LRRC53: variants seen among roughly 807,000 people sequenced by gnomAD.
LRRC53 encodes leucine rich repeat containing 53.
LRRC53 carries 25 observed loss-of-function variants against 13.6 expected under a neutral mutation model. That is an observed-to-expected ratio of 1.83 (90% CI 1.34 to 2.56). The LOEUF is 2.56. Ranked by LOEUF, LRRC53 falls within the 30% of genes most tolerant of loss-of-function variation. The pLI is 0.00. For synonymous variants in LRRC53, 204 were observed against 109.8 expected (o/e 1.86, Z -5.37); for missense variants, 527 against 275.8 (o/e 1.91, Z -6.45).
chr1:74,518,375 T>G, the LRRC53 span, among the ~76,000 whole-genome samples: 1 of 152,178 alleles, frequency 6.6e-6, no homozygotes. Flanking sequence ...TTTTTATTTA[T>G]GAGATTTCCA....
upstream of LRRC53, among the ~76,000 whole-genome samples, chr1:74,514,822 G>A (rs1484172846): frequency 2.6e-5 from 4 of 152,174 alleles, no homozygotes; most frequent in East Asian, 7.7e-4. Flanking sequence ...TGAAGTCTCA[G>A]ACCCTGGTAC....
At chr1:74,527,695 G>GGAAT in the LRRC53 span, among the ~76,000 whole-genome samples, 2 of 152,162 alleles carry the variant, frequency 1.3e-5, no homozygotes, top group Non-Finnish European at 2.9e-5. Context: ...CTGAGGGATT[G>GGAAT]GAATCAGGGA....
At position 74,470,627 on chromosome 1, in the gene LRRC53, A is replaced by G; in HGVS notation, c.2995T>C (p.Ser999Pro). The change falls in exon 5 of 5, where the codon TCA (serine) becomes CCA (proline). Residue 999 changes from serine to proline, a missense_variant. Transcript: ENST00000294635. ...KEENDVEKKL[S>P]KTETYDSSLI... is the part of the protein sequence containing the mutation. The stretch of plus-strand genomic sequence containing the variant: ...GAGGAATCATAAGTTTCTGTTTTTG[A>G]AAGTTTTTTTTCTACATCATTTTCT... The G allele has an allele frequency of 2.5e-6, 1 of 400,652 alleles. No homozygotes were observed. Among genetic ancestry groups the G allele is most frequent in the Non-Finnish European group, 4.4e-6 (1 of 226,158 alleles). 24.8% of individuals were successfully genotyped at this position (400,652 alleles called of 1,614,324 possible). A position where few individuals can be genotyped will look rare whatever the true frequency, so the allele number is the denominator to read the frequency against.
At chr1:74,530,368 T>C in the LRRC53 span, among the ~76,000 whole-genome samples, 1 of 152,210 alleles carries the variant, frequency 6.6e-6, no homozygotes, top group Non-Finnish European at 1.5e-5. Flanking sequence ...TGGGTTATCT[T>C]GGGTAAGACA....
At chr1:74,518,755 AG>A in the LRRC53 span, among the ~76,000 whole-genome samples, 26 of 152,226 alleles carry the variant, frequency 1.7e-4, no homozygotes, top group African/African-American at 6.3e-4. Context: ...TATTTCCATA[AG>A]TAAAGGGTGT....
chr1:74,484,106 T>C (rs1021979358), intron 1 of LRRC53, among the ~76,000 whole-genome samples: 7 of 151,994 alleles, frequency 4.6e-5, no homozygotes, highest in African/African-American at 7.3e-5. Flanking sequence ...ATGTTAAACT[T>C]TACCTTTATT....
Position 74,475,820 on chromosome 1 carries a change from A to G in LRRC53, c.905-10T>C, listed in dbSNP as rs1397745672. On this transcript the variant is annotated splice_polypyrimidine_tract_variant and intron_variant, in intron 3 of 4. Transcript: ENST00000294635. ...GTGAGACCAACAGCTCCTATGACAA[A>G]TAGAGAGACCATTAAAAGATAACAT... 1 of 579,826 alleles carries G rather than the reference A, an allele frequency of 1.7e-6. No homozygotes were observed. The allele number at this position is 579,826 out of a possible 1,614,324, so 35.9% of individuals were successfully genotyped here. A position where few individuals can be genotyped will look rare whatever the true frequency, so the allele number is the denominator to read the frequency against.
chr1:74,490,084 A>C (rs1245919733), intron 1 of LRRC53, among the ~76,000 whole-genome samples: 2 of 150,874 alleles, frequency 1.3e-5, no homozygotes, highest in East Asian at 3.9e-4. Flanking sequence ...AAACTCAACT[A>C]AGAGTCATTG....
At chr1:74,481,352 A>G (rs147586129) in intron 2 of LRRC53, among the ~76,000 whole-genome samples, 159 of 152,314 alleles carry the variant, frequency 1.0e-3, no homozygotes, top group African/African-American at 3.6e-3. Context: ...GACAGAATCA[A>G]CTAAGAGCTG....
the LRRC53 span, among the ~76,000 whole-genome samples, chr1:74,534,091 G>A: frequency 6.6e-6 from 1 of 152,096 alleles, no homozygotes. Flanking sequence ...CAAGCTAATC[G>A]ATAGAAAAGT....
chr1:74,471,698 C>T lies in LRRC53; in HGVS notation c.1924G>A (p.Asp642Asn). Residue 642 changes from aspartate (D) to asparagine (N), a missense_variant, in exon 5 of 5, where the codon GAT (aspartate) becomes AAT (asparagine). By Grantham distance (23) the Asp-to-Asn change is conservative. Transcript: ENST00000294635. The stretch of plus-strand genomic sequence containing the variant: ...CTATTTATTTCTACTAAATCAGGAT[C>T]ATGGAAGATAACCCTCTTTGGGGAA... ...AYSPKRVIFH[D>N]PDLVEINRSM... 2.5e-6 allele frequency: 1 copy of T among 401,840 alleles called. No individual in the cohort carries two copies. 24.9% of individuals were successfully genotyped at this position (401,840 alleles called of 1,614,324 possible).
intron 1 of LRRC53, among the ~76,000 whole-genome samples, chr1:74,509,747 CTTTTTTTTTTTTTTT>C (rs68193106): frequency 3.3e-4 from 16 of 47,788 alleles, no homozygotes; most frequent in Admixed American, 1.5e-3. Flanking sequence ...ATCTGAATTT[CTTTTTTTTTTTTTTT>C]TTTTTTTTTT....
intron 1 of LRRC53, among the ~76,000 whole-genome samples, chr1:74,500,070 T>A (rs1029192867): frequency 6.6e-6 from 1 of 151,854 alleles, no homozygotes; most frequent in Admixed American, 6.6e-5. Context: ...AAATAACTAA[T>A]TATATTTTTA....
chr1:74,479,778 TGTCATA>T (rs1324710839), intron 3 of LRRC53, among the ~76,000 whole-genome samples: 3 of 152,236 alleles, frequency 2.0e-5, no homozygotes, highest in Admixed American at 6.5e-5. Flanking sequence ...TATCTCCTAG[TGTCATA>T]ACAAATGCAC....
chr1:74,483,630 T>C (rs914271804), intron 1 of LRRC53, among the ~76,000 whole-genome samples: 4 of 152,240 alleles, frequency 2.6e-5, no homozygotes, highest in Non-Finnish European at 5.9e-5. Context: ...AAAAATTAAG[T>C]TACTTTGCAA....
intron 2 of LRRC53, 22 bp from the exon 3 acceptor site, chr1:74,480,990 C>T: frequency 1.4e-6 from 1 of 693,326 alleles, no homozygotes; most frequent in South Asian, 1.6e-5. Context: ...AAAGCACAGA[C>T]TAGATGCAGG....
intron 1 of LRRC53, among the ~76,000 whole-genome samples, chr1:74,508,214 A>T (rs1165523588): frequency 6.6e-6 from 1 of 152,262 alleles, no homozygotes; most frequent in African/African-American, 2.4e-5. Flanking sequence ...CCAACATGGC[A>T]CATGTATACA....
At chr1:74,507,229 C>CT (rs1482242262) in intron 1 of LRRC53, among the ~76,000 whole-genome samples, 1 of 139,478 alleles carries the variant, frequency 7.2e-6, no homozygotes, top group Non-Finnish European at 1.6e-5. Context: ...CTTCACCCCC[C>CT]CCCCATCTTT....
chr1:74,524,757 A>T, the LRRC53 span, among the ~76,000 whole-genome samples: 3 of 142,462 alleles, frequency 2.1e-5, no homozygotes, highest in East Asian at 2.0e-4. Flanking sequence ...TTAAAAAAGT[A>T]AAAAAAAAAA....
Sources: allele counts gnomAD v4.1 joint callset (sites outside exome capture counted in the v4.1 genomes callset), GRCh38; gene constraint gnomAD v4.1.1; transcripts MANE v1.5; gene names NCBI Gene and HGNC (gene_info 2026-07-23, HGNC 2026-07-21).